SEMA5A: variants seen among roughly 807,000 people sequenced by gnomAD.
SEMA5A encodes the protein semaphorin 5A, also known as semaphorin-5A.
A neutral mutation model predicts 135.5 loss-of-function variants in SEMA5A; 55 were observed. That is an observed-to-expected ratio of 0.41 (90% CI 0.33 to 0.51). The LOEUF (loss-of-function observed/expected upper bound fraction) is 0.51, where lower values mean the gene tolerates loss of function less well. SEMA5A is among the 20% of genes least tolerant of loss of function. The pLI is 0.37. For missense variants in SEMA5A, 1,290 were observed against 1,419.9 expected (o/e 0.91, Z 1.47); for synonymous variants, 580 against 546.5 (o/e 1.06, Z -0.85).
intron 5 of SEMA5A, among the ~76,000 whole-genome samples, chr5:9,258,023 T>C (rs1430335587): frequency 2.0e-5 from 3 of 152,138 alleles, no homozygotes; most frequent in African/African-American, 7.2e-5. Context: ...AGTGCAAACA[T>C]GCTGAGATTT....
At chr5:9,223,763 G>T (rs767251604) in intron 8 of SEMA5A, among the ~76,000 whole-genome samples, 1 of 152,062 alleles carries the variant, frequency 6.6e-6, no homozygotes, top group Non-Finnish European at 1.5e-5. Context: ...GTGTATGTGC[G>T]TGTGTGTGTG....
At chr5:9,115,420 T>C (rs1039568385) in intron 15 of SEMA5A, among the ~76,000 whole-genome samples, 1 of 152,248 alleles carries the variant, frequency 6.6e-6, no homozygotes, top group Non-Finnish European at 1.5e-5. Flanking sequence ...AGAATTTATA[T>C]GGAACAGTGA....
In SEMA5A at chr5:9,235,572, G is replaced by A. The variant is rs147416296; in HGVS notation, c.333+2256C>T. ...ACCGTGGGCTGGGAGTGTTAAGATC[G>A]GACGAGGAAATAGCACTGGGACCTG... On this transcript the variant is annotated intron_variant, in intron 6 of 22. Coordinates refer to ENST00000382496, the MANE Select transcript of SEMA5A (RefSeq NM_003966.3). Among the ~76,000 whole-genome samples, 337 of 150,274 alleles carry A rather than the reference G, an allele frequency of 2.2e-3. 4 individuals carry two copies. The highest frequency in any genetic ancestry group is 7.6e-3 in the African/African-American group (314 of 41,458).
chr5:9,538,148 G>C (rs1159805942), intron 1 of SEMA5A, among the ~76,000 whole-genome samples: 1 of 152,226 alleles, frequency 6.6e-6, no homozygotes, highest in Non-Finnish European at 1.5e-5. Flanking sequence ...GCAAGGAAAT[G>C]AGAGGCAATT....
intron 11 of SEMA5A, among the ~76,000 whole-genome samples, chr5:9,174,312 T>C (rs1286255567): frequency 6.6e-6 from 1 of 152,210 alleles, no homozygotes; most frequent in Non-Finnish European, 1.5e-5. Context: ...ATATTGACAG[T>C]TGCACCTTAC....
chr5:9,295,420 T>C (rs1282692337), intron 5 of SEMA5A, among the ~76,000 whole-genome samples: 1 of 152,064 alleles, frequency 6.6e-6, no homozygotes, highest in African/African-American at 2.4e-5. Flanking sequence ...CAAAATTAAG[T>C]GAACAAAGAG....
chr5:9,213,466 A>G (rs1284413125), intron 8 of SEMA5A, among the ~76,000 whole-genome samples: 1 of 152,216 alleles, frequency 6.6e-6, no homozygotes, highest in Non-Finnish European at 1.5e-5. Context: ...GTGATCTGAA[A>G]TAAGGTGGTG....
At chr5:9,436,337 G>A (rs529820375) in intron 2 of SEMA5A, among the ~76,000 whole-genome samples, 19 of 152,306 alleles carry the variant, frequency 1.2e-4, no homozygotes, top group African/African-American at 2.9e-4. Context: ...GGGAGGGAAC[G>A]GGAGGTTCCG....
chr5:9,205,895 C>T (rs573784184), intron 8 of SEMA5A, among the ~76,000 whole-genome samples: 29 of 152,264 alleles, frequency 1.9e-4, no homozygotes, highest in Admixed American at 4.6e-4. Context: ...TCTTGAAATT[C>T]GGCTAGCATC....
At chr5:9,501,567 G>A (rs1463868659) in intron 1 of SEMA5A, among the ~76,000 whole-genome samples, 1 of 152,172 alleles carries the variant, frequency 6.6e-6, no homozygotes, top group Non-Finnish European at 1.5e-5. Context: ...AGTAGATGCT[G>A]ATGTTAGCCA....
At chr5:9,466,424 T>C (rs1462140220) in intron 1 of SEMA5A, among the ~76,000 whole-genome samples, 1 of 150,338 alleles carries the variant, frequency 6.7e-6, no homozygotes, top group East Asian at 1.9e-4. Context: ...AGTGAAGGAA[T>C]CATGCCTCAC....
chr5:9,036,078 G>A lies in SEMA5A; in HGVS notation c.*6819C>T, dbSNP rs998472421. Reference sequence around the variant, plus strand: ...AACATCTTTAAAAGTTACATCAAGCGGCATAGCACAAAAGTTTTGCTATGC... The same window carrying A: ...AACATCTTTAAAAGTTACATCAAGCAGCATAGCACAAAAGTTTTGCTATGC... On this transcript the variant is annotated 3_prime_UTR_variant, in exon 23 of 23. Transcript: ENST00000382496. 1.1e-4 allele frequency: 17 copies of A among 151,792 alleles called. No individual in the cohort carries two copies. The highest frequency in any genetic ancestry group is 1.5e-4 in the Non-Finnish European group (10 of 67,968). 9.4% of individuals were successfully genotyped at this position (151,792 alleles called of 1,614,324 possible).
intron 8 of SEMA5A, among the ~76,000 whole-genome samples, chr5:9,219,063 A>T (rs554763244): frequency 1.3e-5 from 2 of 152,364 alleles, no homozygotes; most frequent in East Asian, 1.9e-4. Context: ...TATGCAGATG[A>T]GGAAGCCAAG....
intron 16 of SEMA5A, among the ~76,000 whole-genome samples, chr5:9,084,582 G>T (rs777370346): frequency 5.3e-5 from 8 of 152,182 alleles, no homozygotes; most frequent in Non-Finnish European, 1.2e-4. Context: ...CTCCTGCCAT[G>T]TGAGATATGC....
intron 6 of SEMA5A, among the ~76,000 whole-genome samples, chr5:9,232,473 C>T (rs911883367): frequency 3.3e-5 from 5 of 152,112 alleles, no homozygotes; most frequent in Admixed American, 1.3e-4. Flanking sequence ...TCTTGCAAAA[C>T]CATACCTAAC....
intron 3 of SEMA5A, 27 bp from the exon 4 acceptor site, chr5:9,337,839 A>C: frequency 6.8e-7 from 1 of 1,474,068 alleles, no homozygotes; most frequent in Non-Finnish European, 9.3e-7. Context: ...AATAAATAAA[A>C]AGATAAAAAT....
rs2150005257 is a variant in SEMA5A at position 9,035,350 on chromosome 5, G to T, written c.*7547C>A. Reference sequence around the variant, plus strand: ...CAACATATTCACTTCTGTAATAATAGCTATATATTTTTTCTTATAAACGTG... The same window carrying T: ...CAACATATTCACTTCTGTAATAATATCTATATATTTTTTCTTATAAACGTG... On this transcript the variant is annotated 3_prime_UTR_variant, in exon 23 of 23. Transcript: ENST00000382496. 1 of 152,238 alleles carries T rather than the reference G, an allele frequency of 6.6e-6. No individual in the cohort carries two copies. The highest frequency in any genetic ancestry group is 1.5e-5 in the Non-Finnish European group (1 of 68,014). The allele number at this position is 152,238 out of a possible 1,614,324, so 9.4% of individuals were successfully genotyped here.
chr5:9,475,445 CTCTGTG>C (rs1759635504), intron 1 of SEMA5A, among the ~76,000 whole-genome samples: 1 of 152,168 alleles, frequency 6.6e-6, no homozygotes, highest in African/African-American at 2.4e-5. Context: ...GTAGTGGAGG[CTCTGTG>C]AATACATTCT....
intron 2 of SEMA5A, among the ~76,000 whole-genome samples, chr5:9,429,562 A>G (rs900602499): frequency 6.6e-5 from 10 of 152,366 alleles, no homozygotes; most frequent in African/African-American, 2.4e-4. Context: ...AAAGCAGAAA[A>G]GGAAAATAGA....
Sources: allele counts gnomAD v4.1 joint callset (sites outside exome capture counted in the v4.1 genomes callset), GRCh38; gene constraint gnomAD v4.1.1; transcripts MANE v1.5; gene names NCBI Gene and HGNC (gene_info 2026-07-23, HGNC 2026-07-21).